UBE2K: variants seen among roughly 807,000 people sequenced by gnomAD.
UBE2K encodes the protein ubiquitin conjugating enzyme E2 K.
Under a neutral mutation model 30.0 loss-of-function variants are expected in UBE2K, and 6 were observed. The ratio of observed to expected loss-of-function variants is 0.20; its 90% CI spans 0.11 to 0.39. UBE2K has a LOEUF of 0.39. UBE2K is among the 10% of genes least tolerant of loss of function. The probability of loss-of-function intolerance (pLI) is 1.00; values close to 1 mark genes in which losing one functional copy is unlikely to be tolerated. For synonymous variants in UBE2K, 86 were observed against 83.7 expected (o/e 1.03, Z -0.15); for missense variants, 61 against 241.6 (o/e 0.25, Z 4.96).
At chr4:39,765,668 A>G (rs900054739) in intron 4 of UBE2K, among the ~76,000 whole-genome samples, 1 of 151,710 alleles carries the variant, frequency 6.6e-6, no homozygotes, top group Non-Finnish European at 1.5e-5. Flanking sequence ...AAAAATACAA[A>G]AACGTTAGCC....
intron 1 of UBE2K, among the ~76,000 whole-genome samples, chr4:39,706,811 A>C (rs950431828): frequency 4.6e-5 from 7 of 151,168 alleles, no homozygotes; most frequent in African/African-American, 1.7e-4. Flanking sequence ...CAAAAGGCTT[A>C]ATTGGTTGGA....
chr4:39,762,259 G>A (rs1208488529), intron 4 of UBE2K, among the ~76,000 whole-genome samples: 2 of 151,816 alleles, frequency 1.3e-5, no homozygotes, highest in Admixed American at 6.6e-5. Flanking sequence ...ATGGGGTCTT[G>A]CTATGTTGCC....
intron 2 of UBE2K, among the ~76,000 whole-genome samples, chr4:39,742,972 A>G (rs1159919181): frequency 6.6e-6 from 1 of 151,958 alleles, no homozygotes; most frequent in Admixed American, 6.6e-5. Context: ...CTGGAACCTG[A>G]AAGGTGGAGG....
intron 1 of UBE2K, among the ~76,000 whole-genome samples, chr4:39,728,142 AAAT>A (rs1294873000): frequency 2.0e-5 from 3 of 151,980 alleles, no homozygotes. Context: ...TCAAAAAAAA[AAAT>A]AAGTAAAAGA....
intron 4 of UBE2K, among the ~76,000 whole-genome samples, chr4:39,769,910 A>G (rs1475942593): frequency 6.6e-6 from 1 of 152,014 alleles, no homozygotes; most frequent in Non-Finnish European, 1.5e-5. Context: ...GAGCAACAAC[A>G]GTCTTCTCTC....
intron 1 of UBE2K, 139 bp from the exon 2 acceptor site, chr4:39,737,281 C>G: frequency 2.1e-6 from 1 of 474,946 alleles, no homozygotes; most frequent in South Asian, 4.7e-5. Context: ...ATAATTAAGT[C>G]CTAGAAAAGC....
At chr4:39,712,936 G>T (rs1461889957) in intron 1 of UBE2K, among the ~76,000 whole-genome samples, 3 of 151,438 alleles carry the variant, frequency 2.0e-5, no homozygotes, top group African/African-American at 7.3e-5. Context: ...CGCGATCTTG[G>T]CTCGCTGCAA....
intron 3 of UBE2K, among the ~76,000 whole-genome samples, chr4:39,749,981 C>T (rs1721172270): frequency 6.6e-6 from 1 of 152,072 alleles, no homozygotes; most frequent in South Asian, 2.1e-4. Context: ...GGTGGATCAC[C>T]AGAGGTCAGG....
At position 39,760,195 on chromosome 4, in the gene UBE2K, G is replaced by A. The variant is rs200997658; in HGVS notation, c.299+4456G>A. ...CTGTCACAAAAAAAAAAAAAAAACA[G>A]AAAAAAAAAAAAAAACAAATAATGT... is the stretch of plus-strand genomic sequence containing the variant. On this transcript the variant is annotated intron_variant, in intron 4 of 6. Transcript: ENST00000261427. 7.6e-3 allele frequency among the ~76,000 whole-genome samples: 775 copies of A among 102,040 alleles called. 3 individuals are homozygous for A. The highest frequency in any genetic ancestry group is 0.012 in the African/African-American group (300 of 25,166). 66.9% of individuals were successfully genotyped at this position (102,040 alleles called of 152,430 possible).
intron 4 of UBE2K, chr4:39,770,441 T>C: frequency 1.2e-6 from 2 of 1,612,022 alleles, no homozygotes; most frequent in Non-Finnish European, 1.7e-6. Flanking sequence ...CCTGGAACAC[T>C]TCCGGGCACT....
intron 1 of UBE2K, among the ~76,000 whole-genome samples, chr4:39,717,306 T>C (rs1048523626): frequency 6.6e-6 from 1 of 151,308 alleles, no homozygotes; most frequent in Non-Finnish European, 1.5e-5. Flanking sequence ...CAATCTTGGC[T>C]CATTGCAACC....
intron 4 of UBE2K, among the ~76,000 whole-genome samples, chr4:39,767,446 C>T (rs773989544): frequency 1.3e-5 from 2 of 151,994 alleles, no homozygotes; most frequent in Non-Finnish European, 2.9e-5. Flanking sequence ...GCCTCAGCCT[C>T]CAGAGTAGCT....
intron 1 of UBE2K, among the ~76,000 whole-genome samples, chr4:39,725,675 C>G (rs907702142): frequency 1.3e-5 from 2 of 152,182 alleles, no homozygotes; most frequent in Non-Finnish European, 2.9e-5. Flanking sequence ...GCTACTTTCC[C>G]CCTTCCCCCT....
chr4:39,702,226 CTTTTCTTTTTTTTTTTTTTTTT>C (rs1560335670), intron 1 of UBE2K, among the ~76,000 whole-genome samples: 1 of 90,826 alleles, frequency 1.1e-5, no homozygotes, highest in African/African-American at 3.3e-5. Context: ...CTTTTCTTTT[CTTTTCTTTTTTTTTTTTTTTTT>C]TTTTTTTTTT....
At chr4:39,738,001 T>A (rs915797763) in intron 2 of UBE2K, among the ~76,000 whole-genome samples, 20 of 152,220 alleles carry the variant, frequency 1.3e-4, no homozygotes, top group Non-Finnish European at 2.9e-5. Context: ...TTAGTGATTA[T>A]TTCAAGCCAT....
At position 39,745,714 on chromosome 4, in the gene UBE2K, G is replaced by T; in HGVS notation, c.158-38G>T. 2.2e-6 allele frequency: 3 copies of T among 1,382,102 alleles called. No homozygotes were observed. In the South Asian group the frequency reaches 3.7e-5, roughly 17 times the overall value. The allele number at this position is 1,382,102 out of a possible 1,614,324, so 85.6% of individuals were successfully genotyped here. ...TATATTTGTCTTATATATTTGAATT[G>T]AGCAGCATTCTTAACTTTGTTTTCC... On this transcript the variant is annotated intron_variant, in intron 2 of 6. Coordinates refer to ENST00000261427, the MANE Select transcript of UBE2K (RefSeq NM_005339.5).
intron 1 of UBE2K, among the ~76,000 whole-genome samples, chr4:39,707,718 T>C (rs159986): frequency 0.95 from 143,287 of 151,508 alleles, 67,849 homozygotes; most frequent in East Asian, 1. Flanking sequence ...TGGGGTCTCA[T>C]TGTGTTGCCC....
At chr4:39,743,520 C>T (rs915010178) in intron 2 of UBE2K, among the ~76,000 whole-genome samples, 3 of 151,536 alleles carry the variant, frequency 2.0e-5, no homozygotes, top group African/African-American at 7.3e-5. Flanking sequence ...AGGAGAATGG[C>T]GTGAACCCGG....
chr4:39,766,099 T>C (rs1182218785), intron 4 of UBE2K, among the ~76,000 whole-genome samples: 5 of 152,250 alleles, frequency 3.3e-5, no homozygotes, highest in Non-Finnish European at 4.4e-5. Flanking sequence ...CTTTCAGTTC[T>C]TTTGGATGTA....
Sources: allele counts gnomAD v4.1 joint callset (sites outside exome capture counted in the v4.1 genomes callset), GRCh38; gene constraint gnomAD v4.1.1; transcripts MANE v1.5; gene names NCBI Gene and HGNC (gene_info 2026-07-23, HGNC 2026-07-21).